The following TMEM237 variants were observed in gnomAD, a reference collection of about 807,000 sequenced individuals.
The protein encoded by TMEM237 is amyotrophic lateral sclerosis 2 (juvenile) chromosome region, candidate 4.
In TMEM237, 51 loss-of-function variants were observed where a neutral mutation model predicts 59.1. That is an observed-to-expected ratio of 0.86 (90% CI 0.69 to 1.09). TMEM237 has a LOEUF of 1.09. Ranked by LOEUF, TMEM237 falls within the 50% of genes least tolerant of loss-of-function variation. The pLI is 0.00. For synonymous variants in TMEM237, 140 were observed against 166.1 expected (o/e 0.84, Z 1.21); for missense variants, 475 against 478.3 (o/e 0.99, Z 0.06).
At position 201,629,748 on chromosome 2, in the gene TMEM237, TAAGTGCCACATCTCTG is replaced by T; in HGVS notation, c.642_657del (p.Arg215GlnfsTer8). 1 of 1,612,438 alleles carries T rather than the reference TAAGTGCCACATCTCTG, an allele frequency of 6.2e-7. No homozygotes were observed. The highest frequency in any genetic ancestry group is 8.5e-7 in the Non-Finnish European group (1 of 1,179,560). On this transcript the variant is annotated frameshift_variant, in exon 8 of 13. Transcript: ENST00000409883. LOFTEE classifies it high-confidence loss of function. ...AGCCACCTGAAAGCCCGGTGCACTG[TAAGTGCCACATCTCTG>T]GTGGTCCAGGAAGGCTTCACGTCCA...
chr2:201,626,157 T>C lies in TMEM237; in HGVS notation c.1038-10A>G. The C allele has an allele frequency of 6.2e-7, 1 of 1,610,438 alleles. No individual in the cohort carries two copies. The highest frequency in any genetic ancestry group is 8.5e-7 in the Non-Finnish European group (1 of 1,178,296). On this transcript the variant is annotated splice_polypyrimidine_tract_variant and intron_variant, in intron 11 of 12. Coordinates refer to ENST00000409883, the MANE Select transcript of TMEM237 (RefSeq NM_001044385.3). ...CTCAATTCCTGCTTCCCTAAAAATG[T>C]AGAAACACTCATTAGAAGTGCCTTC...
chr2:201,643,048 T>TGGAAGCCCCGGCACCCGCCGGGCC lies in TMEM237; in HGVS notation c.42+287_42+310dup, dbSNP rs1687463472. 1 of 1,252,142 alleles carries TGGAAGCCCCGGCACCCGCCGGGCC rather than the reference T, an allele frequency of 8.0e-7. No individual in the cohort carries two copies. Among genetic ancestry groups the TGGAAGCCCCGGCACCCGCCGGGCC allele is most frequent in the Non-Finnish European group, 1.0e-6 (1 of 976,052 alleles). 77.6% of individuals were successfully genotyped at this position (1,252,142 alleles called of 1,614,324 possible). ...CGGAGGAGTCTAGGAGAGGCCTGGC[T>TGGAAGCCCCGGCACCCGCCGGGCC]GGAAGCCCCGGCACCCGCCGGGCCC... On this transcript the variant is annotated intron_variant, in intron 1 of 12. Transcript: ENST00000409883. The surrounding 1 kb of genome is among the most constrained non-coding windows in gnomAD (Gnocchi z 4.3).
rs1687469526 is a variant in TMEM237 at position 201,643,281 on chromosome 2, C to CT, written c.42+77_42+78insA. 1 of 1,334,046 alleles carries CT rather than the reference C, an allele frequency of 7.5e-7. No individual in the cohort carries two copies. Among genetic ancestry groups the CT allele is most frequent in the South Asian group, 1.3e-5 (1 of 77,322 alleles). The allele number at this position is 1,334,046 out of a possible 1,614,324, so 82.6% of individuals were successfully genotyped here. ...GATTCCCAGCTCGTTGGCGCCCCCC[C>CT]ACACACACCCACCCCCACTGCCAAG... On this transcript the variant is annotated intron_variant, in intron 1 of 12. Transcript: ENST00000409883. The surrounding 1 kb of genome is among the most constrained non-coding windows in gnomAD (Gnocchi z 4.3).
intron 6 of TMEM237, 57 bp from the exon 7 acceptor site, chr2:201,632,265 A>G: frequency 6.3e-7 from 1 of 1,578,632 alleles, no homozygotes; most frequent in Non-Finnish European, 8.7e-7. Flanking sequence ...TTACAGACTT[A>G]CATAAGGAAC....
chr2:201,625,232 G>C (rs1306248733), intron 12 of TMEM237, among the ~76,000 whole-genome samples: 1 of 151,906 alleles, frequency 6.6e-6, no homozygotes, highest in Non-Finnish European at 1.5e-5. Flanking sequence ...CGTGGTGGCG[G>C]GCGCCTGTAG....
chr2:201,628,021 A>G lies in TMEM237; in HGVS notation c.943+55T>C, dbSNP rs1957774175. 3 of 1,311,248 alleles carry G rather than the reference A, an allele frequency of 2.3e-6. No homozygotes were observed. In the Admixed American group the frequency reaches 6.9e-5, roughly 30 times the overall value. The allele number at this position is 1,311,248 out of a possible 1,614,324, so 81.2% of individuals were successfully genotyped here. ...AAAAAATTATATTTATCCTGGTTCA[A>G]AATTATGGTATAACTGAAGTATTAC... On this transcript the variant is annotated intron_variant, in intron 10 of 12. Coordinates refer to ENST00000409883, the MANE Select transcript of TMEM237 (RefSeq NM_001044385.3).
rs1217330792 is a variant in TMEM237, at chr2:201,643,373, C to G, written c.28G>C (p.Glu10Gln). The G allele has an allele frequency of 1.9e-6, 3 of 1,546,532 alleles. No homozygotes were observed. Among genetic ancestry groups the G allele is most frequent in the African/African-American group, 2.8e-5 (2 of 72,540 alleles). MRTDSGARL[E>Q]EGHLRPPRAL... ...TCGCCGCTCACCAGGTGGCCCTCCT[C>G]CAGCCGAGCCCCCGAGTCAGTCCTC... The change falls in exon 1 of 13, where the codon GAG (glutamate) becomes CAG (glutamine). Residue 10 changes from glutamate (E) to glutamine (Q), a missense_variant. Glu to Gln is a conservative substitution (Grantham distance 29, BLOSUM62 2). Transcript: ENST00000409883. The surrounding 1 kb of genome is among the most constrained non-coding windows in gnomAD (Gnocchi z 4.3).
At chr2:201,639,141 C>T in intron 3 of TMEM237, 96 bp from the exon 4 acceptor site, 2 of 1,143,496 alleles carry the variant, frequency 1.7e-6, no homozygotes, top group Non-Finnish European at 2.5e-6. Context: ...AGAATTCTCC[C>T]TCTCTTCCCT....
At chr2:201,640,842 C>T (rs374979038) in intron 2 of TMEM237, 51 bp downstream of exon 2, 29 of 1,464,236 alleles carry the variant, frequency 2.0e-5, no homozygotes, top group Non-Finnish European at 2.6e-5. Context: ...CCACTGTCTT[C>T]ATTTTCCATT....
At chr2:201,626,419 T>G (rs1277840344) in intron 11 of TMEM237, 1 of 252,548 alleles carries the variant, frequency 4.0e-6, no homozygotes, top group Non-Finnish European at 7.6e-6. Flanking sequence ...AAAGTTTTCC[T>G]TCCAACTACC....
chr2:201,629,685 T>C (rs1310864029), intron 8 of TMEM237, 44 bp downstream of exon 8: 1 of 1,574,812 alleles, frequency 6.3e-7, no homozygotes, highest in East Asian at 2.2e-5. Context: ...ATTACAGAAC[T>C]CAGTTAACAT....
At position 201,629,860 on chromosome 2, in the gene TMEM237, C is replaced by T; in HGVS notation, c.554-8G>A. 1.2e-6 allele frequency: 2 copies of T among 1,608,538 alleles called. No individual in the cohort carries two copies. Among genetic ancestry groups the T allele is most frequent in the Non-Finnish European group, 1.7e-6 (2 of 1,178,604 alleles). ...CAGCAGCCTGGAATCTCCCTAAGAA[C>T]ACATAACGTAATTACTAACAACTAG... On this transcript the variant is annotated splice_region_variant and splice_polypyrimidine_tract_variant and intron_variant, in intron 7 of 12. Coordinates refer to ENST00000409883, the MANE Select transcript of TMEM237 (RefSeq NM_001044385.3).
rs1687467054 is a variant in TMEM237 at position 201,643,198 on chromosome 2, T to C, written c.42+161A>G. ...GGCCTCGCCTGCGTCTCCGTCCCAT[T>C]CCTGTGAACACTGGAGGGGCGGATG... On this transcript the variant is annotated intron_variant, in intron 1 of 12. Coordinates refer to ENST00000409883, the MANE Select transcript of TMEM237 (RefSeq NM_001044385.3). This position sits in a 1 kb window ranked among gnomAD's most constrained non-coding sequence, Gnocchi z 4.3. 6.6e-6 allele frequency among the ~76,000 whole-genome samples: 1 copy of C among 152,210 alleles called. No individual in the cohort carries two copies. The highest frequency in any genetic ancestry group is 2.4e-5 in the African/African-American group (1 of 41,566).
rs1430725039 is a variant in TMEM237, at chr2:201,627,427, C to A, written c.944-13G>T. 1 of 1,514,916 alleles carries A rather than the reference C, an allele frequency of 6.6e-7. No individual in the cohort carries two copies. The highest frequency in any genetic ancestry group is 1.4e-5 in the African/African-American group (1 of 72,646). 93.8% of individuals were successfully genotyped at this position (1,514,916 alleles called of 1,614,324 possible). On this transcript the variant is annotated splice_polypyrimidine_tract_variant and intron_variant, in intron 10 of 12. Coordinates refer to ENST00000409883, the MANE Select transcript of TMEM237 (RefSeq NM_001044385.3). ...GCAGTAAAGTACACTGAGAAAAAGA[C>A]AAATGAAATTACTAATAATTTTTAA...
chr2:201,639,028 G>T lies in TMEM237; in HGVS notation c.97C>A (p.Arg33Ser), dbSNP rs200714434. 4.4e-6 allele frequency: 7 copies of T among 1,581,766 alleles called. No homozygotes were observed. Among genetic ancestry groups the T allele is most frequent in the Non-Finnish European group, 6.0e-6 (7 of 1,162,840 alleles). The change falls in exon 4 of 13, where the codon CGT becomes AGT. Residue 33 changes from arginine to serine, a missense_variant. Physicochemically the swap from Arg to Ser is moderately radical, Grantham distance 110. Transcript: ENST00000409883. ...VPSQDDIPLS[R>S]PKKKKPRTKN... is the part of the protein sequence containing the mutation. Reference sequence around the variant, plus strand: ...GTTCTGGGCTTCTTTTTCTTAGGACGACTAAGTGGAATATCATCTATAAAG... The same window carrying T: ...GTTCTGGGCTTCTTTTTCTTAGGACTACTAAGTGGAATATCATCTATAAAG...
Position 201,643,424 on chromosome 2 carries a change from C to G in TMEM237, c.-24G>C. ...ATGGTGCTCTCCCCGCGGGGCTGCC[C>G]CGGCGCAACCGCCGGCGGCCCGAGC... On this transcript the variant is annotated 5_prime_UTR_variant, in exon 1 of 13. Transcript: ENST00000409883. The surrounding 1 kb of genome is among the most constrained non-coding windows in gnomAD (Gnocchi z 4.3). The G allele has an allele frequency of 6.7e-7, 1 of 1,487,004 alleles. No individual in the cohort carries two copies. 92.1% of individuals were successfully genotyped at this position (1,487,004 alleles called of 1,614,324 possible).
chr2:201,631,160 G>A (rs1202669335), intron 7 of TMEM237: 2 of 152,120 alleles, frequency 1.3e-5, no homozygotes, highest in Non-Finnish European at 2.9e-5. Flanking sequence ...AAGTCATGAG[G>A]ATAAAGCTCC....
chr2:201,629,552 T>C (rs1957790271), intron 8 of TMEM237, 131 bp from the exon 9 acceptor site: 3 of 1,269,534 alleles, frequency 2.4e-6, no homozygotes, highest in Non-Finnish European at 3.2e-6. Context: ...TCTTTCTTTT[T>C]AGTTACACTG....
intron 5 of TMEM237, chr2:201,636,386 C>A (rs1687297542): frequency 5.9e-6 from 1 of 169,234 alleles, no homozygotes; most frequent in South Asian, 1.7e-4. Context: ...AAAGACTAAA[C>A]AAATGTTAGC....
Sources: allele counts gnomAD v4.1 joint callset (sites outside exome capture counted in the v4.1 genomes callset), GRCh38; gene constraint gnomAD v4.1.1; non-coding constraint Gnocchi (gnomAD v3.1); transcripts MANE v1.5; gene names NCBI Gene and HGNC (gene_info 2026-07-23, HGNC 2026-07-21).